NPAS2: variants seen among roughly 807,000 people sequenced by gnomAD.
NPAS2 encodes neuronal PAS domain-containing protein 2.
Under a neutral mutation model 107.5 loss-of-function variants are expected in NPAS2, and 23 were observed. The ratio of observed to expected loss-of-function variants is 0.21; its 90% CI spans 0.15 to 0.30. The LOEUF (loss-of-function observed/expected upper bound fraction) is 0.30. Among genes scored for constraint, NPAS2 ranks in the 10% least tolerant of loss-of-function variants. The pLI, the probability that NPAS2 is intolerant of heterozygous loss-of-function variation, is 1.00. For missense variants in NPAS2, 756 were observed against 1,043.3 expected (o/e 0.72, Z 3.79); for synonymous variants, 403 against 417.5 (o/e 0.97, Z 0.42).
intron 20 of NPAS2, 125 bp from the exon 21 acceptor site, chr2:100,995,275 G>T: frequency 2.8e-6 from 2 of 722,790 alleles, no homozygotes; most frequent in Non-Finnish European, 4.3e-6. Flanking sequence ...CTCCCCACAT[G>T]ACCCCCCAAG....
chr2:100,895,987 T>C (rs1051508455), intron 1 of NPAS2, among the ~76,000 whole-genome samples: 4 of 152,198 alleles, frequency 2.6e-5, no homozygotes, highest in Non-Finnish European at 5.9e-5. Context: ...TAAGAAAGGC[T>C]GAAGCTCAGT....
chr2:100,932,401 G>C (rs143183880), intron 3 of NPAS2, among the ~76,000 whole-genome samples: 8 of 152,244 alleles, frequency 5.3e-5, no homozygotes, highest in Non-Finnish European at 2.9e-5. Flanking sequence ...CTGTATTTCA[G>C]TAATGGAAAT....
intron 16 of NPAS2, 97 bp from the exon 17 acceptor site, chr2:100,987,982 C>G: frequency 1.5e-6 from 2 of 1,322,170 alleles, no homozygotes; most frequent in South Asian, 1.3e-5. Context: ...CAGCTCAGAG[C>G]AAGAAAGTTC....
chr2:100,898,470 A>G (rs1681562188), intron 1 of NPAS2, among the ~76,000 whole-genome samples: 1 of 152,228 alleles, frequency 6.6e-6, no homozygotes, highest in African/African-American at 2.4e-5. Flanking sequence ...CCCACCCTAC[A>G]TTTATGTCAG....
intron 1 of NPAS2, among the ~76,000 whole-genome samples, chr2:100,860,859 T>C (rs1411053645): frequency 2.0e-5 from 3 of 152,064 alleles, no homozygotes; most frequent in Non-Finnish European, 4.4e-5. Flanking sequence ...TAGCATGGTT[T>C]TTTTTTATTG....
chr2:100,887,551 C>T (rs1558841563), intron 1 of NPAS2, among the ~76,000 whole-genome samples: 1 of 152,350 alleles, frequency 6.6e-6, no homozygotes, highest in East Asian at 1.9e-4. Flanking sequence ...CACTATAATG[C>T]ACCCGTGCAG....
chr2:100,891,231 C>CAA (rs141211705), intron 1 of NPAS2, among the ~76,000 whole-genome samples: 9 of 93,874 alleles, frequency 9.6e-5, no homozygotes, highest in Non-Finnish European at 1.4e-4. Context: ...GACTCCATCT[C>CAA]AAAAAAAAAA....
chr2:100,919,580 GT>G (rs1437897030), intron 2 of NPAS2, among the ~76,000 whole-genome samples: 1 of 152,150 alleles, frequency 6.6e-6, no homozygotes, highest in African/African-American at 2.4e-5. Flanking sequence ...TCCCCTTTAA[GT>G]TGGGTCCCTC....
At chr2:100,882,685 A>G (rs1487206621) in intron 1 of NPAS2, among the ~76,000 whole-genome samples, 1 of 152,260 alleles carries the variant, frequency 6.6e-6, no homozygotes, top group Admixed American at 6.5e-5. Context: ...TCCTGCTGGC[A>G]GGAGAGAGAG....
chr2:100,864,012 T>C (rs1250240586), intron 1 of NPAS2, among the ~76,000 whole-genome samples: 1 of 152,248 alleles, frequency 6.6e-6, no homozygotes, highest in Non-Finnish European at 1.5e-5. Flanking sequence ...ATTTCTATCA[T>C]ATCGAGACTG....
rs115527964 is a variant in NPAS2 at position 100,990,230 on chromosome 2, C to T, written c.1828-26C>T. 6.0e-4 allele frequency: 971 copies of T among 1,610,448 alleles called. 7 individuals are homozygous for T. The African/African-American group carries it at 0.012, about 20-fold the overall frequency. On this transcript the variant is annotated intron_variant, in intron 17 of 20. Coordinates refer to ENST00000335681, the MANE Select transcript of NPAS2 (RefSeq NM_002518.4). The stretch of plus-strand genomic sequence containing the variant: ...GGCCCAGGGTTGAGTCCAAGTCTTA[C>T]CTTTCTCATTGAAATGATGCTCCAG...
intron 1 of NPAS2, among the ~76,000 whole-genome samples, chr2:100,848,238 G>C (rs2104456607): frequency 6.6e-6 from 1 of 152,244 alleles, no homozygotes; most frequent in Admixed American, 6.5e-5. Context: ...AAGTCCGGTG[G>C]GTCCTCAGTG....
intron 1 of NPAS2, among the ~76,000 whole-genome samples, chr2:100,872,558 A>G (rs1305608274): frequency 2.6e-5 from 4 of 152,316 alleles, no homozygotes; most frequent in South Asian, 2.1e-4. Context: ...AGCCAAATAC[A>G]TGGTAGATAG....
chr2:100,892,362 G>GA (rs1266757239), intron 1 of NPAS2, among the ~76,000 whole-genome samples: 1 of 152,104 alleles, frequency 6.6e-6, no homozygotes, highest in Admixed American at 6.5e-5. Flanking sequence ...CAGATTCTTG[G>GA]AAAAAGGAAA....
intron 1 of NPAS2, among the ~76,000 whole-genome samples, chr2:100,887,033 C>T (rs975052720): frequency 1.3e-5 from 2 of 152,202 alleles, no homozygotes; most frequent in Non-Finnish European, 2.9e-5. Flanking sequence ...AGAAAGGGCT[C>T]TAAATATACA....
intron 3 of NPAS2, among the ~76,000 whole-genome samples, chr2:100,926,868 T>C (rs1160673672): frequency 6.6e-6 from 1 of 152,116 alleles, no homozygotes; most frequent in Non-Finnish European, 1.5e-5. Flanking sequence ...AATCATTGCC[T>C]AATCTAAGGT....
intron 3 of NPAS2, among the ~76,000 whole-genome samples, chr2:100,926,397 T>C (rs1683562592): frequency 6.6e-6 from 1 of 152,254 alleles, no homozygotes; most frequent in South Asian, 2.1e-4. Flanking sequence ...CCAGCAGCAA[T>C]GTATGAGGGT....
chr2:100,965,589 G>A lies in NPAS2; in HGVS notation c.801-71G>A. 1.1e-6 allele frequency: 1 copy of A among 911,700 alleles called. No individual in the cohort carries two copies. The highest frequency in any genetic ancestry group is 1.5e-5 in the South Asian group (1 of 67,584). The allele number at this position is 911,700 out of a possible 1,614,324, so 56.5% of individuals were successfully genotyped here. On this transcript the variant is annotated intron_variant, in intron 9 of 20. Transcript: ENST00000335681. This position sits in a 1 kb window ranked among gnomAD's most constrained non-coding sequence, Gnocchi z 4.3. The stretch of plus-strand genomic sequence containing the variant: ...GCCTCCATGTTGATCATTATGGAAA[G>A]GCATGGCCACCAGGGTGAGCCCTGC...
intron 12 of NPAS2, among the ~76,000 whole-genome samples, chr2:100,974,182 C>T (rs1022157393): frequency 9.2e-5 from 14 of 152,340 alleles, no homozygotes; most frequent in African/African-American, 3.1e-4. Flanking sequence ...AACAGCTAAG[C>T]CACAGAGGAT....
Sources: gnomAD v4.1 joint callset for allele counts (sites outside exome capture counted in the v4.1 genomes callset) on GRCh38, gnomAD v4.1.1 for gene constraint, Gnocchi (gnomAD v3.1) non-coding constraint, MANE v1.5 for transcripts, NCBI Gene and HGNC (gene_info 2026-07-23, HGNC 2026-07-21) for gene names.